DCC: variants seen among roughly 807,000 people sequenced by gnomAD.
DCC encodes DCC netrin 1 receptor, also known as netrin receptor DCC.
DCC carries 58 observed loss-of-function variants against 172.5 expected under a neutral mutation model. The observed-to-expected ratio is 0.34, with a 90% CI of 0.27 to 0.42. The LOEUF is 0.42. Among genes scored for constraint, DCC ranks in the 10% least tolerant of loss-of-function variants. The probability of loss-of-function intolerance (pLI) is 1.00; values close to 1 mark genes in which losing one functional copy is unlikely to be tolerated. For synonymous variants in DCC, 709 were observed against 644.5 expected (o/e 1.10, Z -1.52); for missense variants, 1,740 against 1,791.0 (o/e 0.97, Z 0.51).
chr18:53,430,232 A>T (rs1173164147), intron 21 of DCC, among the ~76,000 whole-genome samples: 1 of 152,154 alleles, frequency 6.6e-6, no homozygotes, highest in Non-Finnish European at 1.5e-5. Flanking sequence ...CCTTGGAAAG[A>T]TATACATTGA....
At chr18:53,401,693 C>T (rs906512541) in intron 18 of DCC, among the ~76,000 whole-genome samples, 7 of 152,086 alleles carry the variant, frequency 4.6e-5, no homozygotes, top group African/African-American at 1.7e-4. Flanking sequence ...AAACACGGAA[C>T]CCAATACGTT....
intron 1 of DCC, among the ~76,000 whole-genome samples, chr18:52,667,675 C>A (rs988909673): frequency 6.6e-6 from 1 of 152,202 alleles, no homozygotes; most frequent in African/African-American, 2.4e-5. Context: ...TGCATAACAG[C>A]CCCTGGCTTT....
chr18:53,339,979 G>A (rs918948563), intron 15 of DCC, 72 bp downstream of exon 15: 53 of 1,398,462 alleles, frequency 3.8e-5, no homozygotes, highest in Non-Finnish European at 5.1e-5. Flanking sequence ...GTATTTCTTG[G>A]AAAACTGTTC....
chr18:53,472,445 T>G (rs967911563), intron 25 of DCC, among the ~76,000 whole-genome samples: 1 of 152,188 alleles, frequency 6.6e-6, no homozygotes, highest in Non-Finnish European at 1.5e-5. Flanking sequence ...TTGCCTTTTT[T>G]CCCCTCTAGT....
chr18:52,929,234 G>T (rs1257698531), intron 5 of DCC, among the ~76,000 whole-genome samples: 1 of 152,086 alleles, frequency 6.6e-6, no homozygotes, highest in South Asian at 2.1e-4. Flanking sequence ...AAGATAAGTG[G>T]CTATCCCAAG....
chr18:53,338,708 T>G (rs1482924182), intron 14 of DCC, among the ~76,000 whole-genome samples: 2 of 152,212 alleles, frequency 1.3e-5, no homozygotes, highest in Admixed American at 1.3e-4. Context: ...GAACAATTTA[T>G]TATTAAAACA....
intron 2 of DCC, among the ~76,000 whole-genome samples, chr18:52,846,234 T>TTC (rs1318690898): frequency 6.6e-6 from 1 of 152,016 alleles, no homozygotes; most frequent in Non-Finnish European, 1.5e-5. Flanking sequence ...AATGAAGAAG[T>TTC]TCTGAGCCTC....
At chr18:52,962,827 C>T (rs1241093933) in intron 5 of DCC, among the ~76,000 whole-genome samples, 1 of 151,630 alleles carries the variant, frequency 6.6e-6, no homozygotes, top group South Asian at 2.1e-4. Flanking sequence ...AAATTGGAAA[C>T]CATCATTTTC....
chr18:53,281,983 C>T (rs1261150366), intron 12 of DCC, among the ~76,000 whole-genome samples: 1 of 152,082 alleles, frequency 6.6e-6, no homozygotes, highest in Non-Finnish European at 1.5e-5. Context: ...CTAAGACAAG[C>T]ACCCTTAGTT....
chr18:52,893,713 A>G (rs1376962539), intron 2 of DCC, among the ~76,000 whole-genome samples: 1 of 152,168 alleles, frequency 6.6e-6, no homozygotes, highest in Non-Finnish European at 1.5e-5. Flanking sequence ...AAGTTGTTAC[A>G]TAACATGATA....
intron 7 of DCC, among the ~76,000 whole-genome samples, chr18:53,086,588 T>C (rs934677837): frequency 1.8e-5 from 1 of 56,104 alleles, no homozygotes; most frequent in Non-Finnish European, 3.3e-5. Context: ...TCTTCTTCCT[T>C]CTTCTTCTTC....
At chr18:53,060,977 C>G (rs1480994721) in intron 5 of DCC, among the ~76,000 whole-genome samples, 1 of 152,098 alleles carries the variant, frequency 6.6e-6, no homozygotes, top group Non-Finnish European at 1.5e-5. Flanking sequence ...TACACATAAA[C>G]AGACATACCA....
At chr18:52,413,418 C>T (rs1207354495) in intron 1 of DCC, among the ~76,000 whole-genome samples, 1 of 150,294 alleles carries the variant, frequency 6.7e-6, no homozygotes, top group Non-Finnish European at 1.5e-5. Context: ...CATATAGTTA[C>T]TTTTGCATCT....
intron 12 of DCC, among the ~76,000 whole-genome samples, chr18:53,259,538 C>A (rs988506218): frequency 6.6e-6 from 1 of 152,024 alleles, no homozygotes; most frequent in Non-Finnish European, 1.5e-5. Context: ...GAATATTGGC[C>A]CCCACTCTCT....
intron 1 of DCC, among the ~76,000 whole-genome samples, chr18:52,750,281 C>T (rs1380257878): frequency 6.6e-6 from 1 of 152,098 alleles, no homozygotes; most frequent in Admixed American, 6.6e-5. Flanking sequence ...AGTGATAAAA[C>T]CAAGACCTAA....
intron 27 of DCC, among the ~76,000 whole-genome samples, chr18:53,520,307 C>A (rs968009438): frequency 6.6e-6 from 1 of 152,072 alleles, no homozygotes; most frequent in Non-Finnish European, 1.5e-5. Context: ...ATGCTCCAGG[C>A]CTCACTCACT....
chr18:52,827,480 C>CCA (rs2038533094), intron 2 of DCC, among the ~76,000 whole-genome samples: 1 of 152,216 alleles, frequency 6.6e-6, no homozygotes, highest in South Asian at 2.1e-4. Context: ...ACCTTGATAA[C>CCA]CACACGTATG....
chr18:53,307,595 TTC>T (rs2057214670), intron 13 of DCC, among the ~76,000 whole-genome samples: 1 of 151,912 alleles, frequency 6.6e-6, no homozygotes, highest in African/African-American at 2.4e-5. Flanking sequence ...TAAAATTAAT[TTC>T]TTACTATAAA....
At chr18:52,553,256 G>A (rs1365649914) in intron 1 of DCC, among the ~76,000 whole-genome samples, 1 of 151,986 alleles carries the variant, frequency 6.6e-6, no homozygotes, top group African/African-American at 2.4e-5. Flanking sequence ...GCTTTAAGCA[G>A]CTGATGGTGT....
Sources: allele counts gnomAD v4.1 joint callset (sites outside exome capture counted in the v4.1 genomes callset), GRCh38; gene constraint gnomAD v4.1.1; transcripts MANE v1.5; gene names NCBI Gene and HGNC (gene_info 2026-07-23, HGNC 2026-07-21).